IDH3A: variants seen among roughly 807,000 people sequenced by gnomAD.
The protein encoded by IDH3A is isocitrate dehydrogenase (NAD(+)) 3 catalytic subunit alpha.
IDH3A carries 23 observed loss-of-function variants against 43.3 expected under a neutral mutation model. The observed-to-expected ratio is 0.53, with a 90% CI of 0.38 to 0.75. The LOEUF is 0.75. IDH3A is among the 30% of genes least tolerant of loss of function. The probability of loss-of-function intolerance (pLI) is 0.00; values close to 1 mark genes in which losing one functional copy is unlikely to be tolerated. For synonymous variants in IDH3A, 154 were observed against 163.5 expected (o/e 0.94, Z 0.44); for missense variants, 329 against 474.4 (o/e 0.69, Z 2.85).
At chr15:78,165,267 C>T (rs2074727159) in intron 9 of IDH3A, among the ~76,000 whole-genome samples, 191 bp downstream of exon 9, 1 of 152,082 alleles carries the variant, frequency 6.6e-6, no homozygotes, top group Non-Finnish European at 1.5e-5. Flanking sequence ...TCTTGGCTCA[C>T]TGCAACCTCT....
At chr15:78,165,472 G>A (rs899791204) in intron 9 of IDH3A, among the ~76,000 whole-genome samples, 12 of 152,046 alleles carry the variant, frequency 7.9e-5, no homozygotes, top group African/African-American at 2.4e-4. Context: ...GATTACAGGT[G>A]TGAGCCATTG....
chr15:78,152,151 T>C (rs1157309978), intron 1 of IDH3A, among the ~76,000 whole-genome samples: 1 of 145,010 alleles, frequency 6.9e-6, no homozygotes, highest in African/African-American at 2.6e-5. Context: ...CTCCACCTCC[T>C]GGGTTCAAGC....
chr15:78,150,150 CT>C (rs1172203219), intron 1 of IDH3A, among the ~76,000 whole-genome samples: 3 of 152,200 alleles, frequency 2.0e-5, no homozygotes, highest in African/African-American at 7.2e-5. Context: ...ATCTGGAGCG[CT>C]TTAGCTCTCC....
At chr15:78,166,391 G>C in intron 10 of IDH3A, 89 bp downstream of exon 10, 1 of 1,336,998 alleles carries the variant, frequency 7.5e-7, no homozygotes, top group Non-Finnish European at 1.1e-6. Context: ...ACAGATAATA[G>C]TTCTCAGGCG....
chr15:78,155,901 C>T (rs1209459480), intron 2 of IDH3A, among the ~76,000 whole-genome samples: 2 of 152,170 alleles, frequency 1.3e-5, no homozygotes, highest in Non-Finnish European at 2.9e-5. Context: ...TTGTTTTGAT[C>T]CCCGCCCCGC....
In IDH3A at chr15:78,168,913, T is replaced by C; in HGVS notation, c.1018-9T>C. 6.3e-7 allele frequency: 1 copy of C among 1,575,154 alleles called. No homozygotes were observed. The highest frequency in any genetic ancestry group is 1.7e-4 in the Middle Eastern group (1 of 5,952). ...TACATCTTTTATTTTTGCTTTTTCC[T>C]TTTCTCAGAGCTTGACAAAAGATTT... On this transcript the variant is annotated splice_polypyrimidine_tract_variant and intron_variant, in intron 10 of 10. Coordinates refer to ENST00000299518, the MANE Select transcript of IDH3A (RefSeq NM_005530.3).
chr15:78,152,357 CTTT>C (rs33914139), intron 1 of IDH3A, among the ~76,000 whole-genome samples: 4 of 80,696 alleles, frequency 5.0e-5, no homozygotes, highest in Admixed American at 1.5e-4. Context: ...TGCGCCCGGC[CTTT>C]TTTTTTTTTT....
chr15:78,151,715 T>A (rs1363415165), intron 1 of IDH3A, among the ~76,000 whole-genome samples: 1 of 152,302 alleles, frequency 6.6e-6, no homozygotes, highest in East Asian at 1.9e-4. Context: ...CCAGGCTTCA[T>A]GAACCTGGCC....
chr15:78,164,202 C>T (rs2074712625), intron 8 of IDH3A, among the ~76,000 whole-genome samples: 1 of 152,054 alleles, frequency 6.6e-6, no homozygotes, highest in Non-Finnish European at 1.5e-5. Flanking sequence ...TCCACATTCT[C>T]CAGATGTCAG....
rs2074557511 is a variant in IDH3A, at chr15:78,149,711, GC to G, written c.27+283del. Among the ~76,000 whole-genome samples, 7 of 152,346 alleles carry G rather than the reference GC, an allele frequency of 4.6e-5. No individual in the cohort carries two copies. The South Asian group carries it at 1.4e-3, about 32-fold the overall frequency. The stretch of plus-strand genomic sequence containing the variant: ...GCCCTGCTCCTGCCGAGACCCGGCT[GC>G]CGTCACCCGCATCCGCCCAGGCCAG... On this transcript the variant is annotated intron_variant, in intron 1 of 10. Transcript: ENST00000299518.
chr15:78,169,000 G>A lies in IDH3A; in HGVS notation c.1096G>A (p.Asp366Asn). 6.3e-7 allele frequency: 1 copy of A among 1,589,978 alleles called. No individual in the cohort carries two copies. The highest frequency in any genetic ancestry group is 8.6e-7 in the Non-Finnish European group (1 of 1,159,642). Reference sequence around the variant, plus strand: ...AATCTGTCGCCGAGTAAAAGATTTAGATTAACACTTCTACAACTGGCATTT... The same window carrying A: ...AATCTGTCGCCGAGTAAAAGATTTAAATTAACACTTCTACAACTGGCATTT... The part of the protein sequence containing the change: ...EEICRRVKDL[D>N] Residue 366 changes from aspartate to asparagine, a missense_variant, in exon 11 of 11, where the codon GAT (aspartate) becomes AAT (asparagine). Transcript: ENST00000299518.
chr15:78,168,251 G>A (rs12912695), intron 10 of IDH3A: 50,196 of 148,730 alleles, frequency 0.34, 9,043 homozygotes, highest in Non-Finnish European at 0.41. Context: ...GTGAGACCCC[G>A]TCTCTTAAAA....
In IDH3A at chr15:78,168,159, G is replaced by A. The variant is rs538982045; in HGVS notation, c.1018-763G>A. Reference sequence around the variant, plus strand: ...GTTAATGATTTAGGCAGGTGTGGTGGTGCATGCCTGTAGTTGCAGCTATAG... The same window carrying A: ...GTTAATGATTTAGGCAGGTGTGGTGATGCATGCCTGTAGTTGCAGCTATAG... On this transcript the variant is annotated intron_variant, in intron 10 of 10. Coordinates refer to ENST00000299518, the MANE Select transcript of IDH3A (RefSeq NM_005530.3). 8.5e-5 allele frequency: 13 copies of A among 152,146 alleles called. No individual in the cohort carries two copies. The East Asian group carries it at 2.3e-3, about 27-fold the overall frequency. 9.4% of individuals were successfully genotyped at this position (152,146 alleles called of 1,614,324 possible).
At chr15:78,151,336 G>A (rs988508021) in intron 1 of IDH3A, 1 of 152,232 alleles carries the variant, frequency 6.6e-6, no homozygotes, top group Non-Finnish European at 1.5e-5. Flanking sequence ...AGCACTTTGG[G>A]AGGCCAAAGT....
chr15:78,166,303 G>T lies in IDH3A; in HGVS notation c.1017+1G>T. 6.2e-7 allele frequency: 1 copy of T among 1,614,046 alleles called. No individual in the cohort carries two copies. Among genetic ancestry groups the T allele is most frequent in the Non-Finnish European group, 8.5e-7 (1 of 1,179,902 alleles). Reference sequence around the variant, plus strand: ...TTTTGCTACAATTAAGGACGGAAAGGTAACAGGAATCTTGATTTACTTGTG... The same window carrying T: ...TTTTGCTACAATTAAGGACGGAAAGTTAACAGGAATCTTGATTTACTTGTG... On this transcript the variant is annotated splice_donor_variant, in intron 10 of 10. Transcript: ENST00000299518. LOFTEE classifies it high-confidence loss of function.
chr15:78,165,938 C>G (rs945437625), intron 9 of IDH3A, among the ~76,000 whole-genome samples: 1 of 152,140 alleles, frequency 6.6e-6, no homozygotes, highest in Non-Finnish European at 1.5e-5. Context: ...ATCTTCTTGC[C>G]TTGGCCTATC....
At chr15:78,152,298 T>C (rs533622589) in intron 1 of IDH3A, among the ~76,000 whole-genome samples, 6 of 151,126 alleles carry the variant, frequency 4.0e-5, no homozygotes, top group Non-Finnish European at 8.8e-5. Flanking sequence ...CCTCAGGTGA[T>C]CCACCGGCCT....
intron 5 of IDH3A, 123 bp from the exon 6 acceptor site, chr15:78,162,110 AT>A: frequency 1.1e-6 from 1 of 926,950 alleles, no homozygotes; most frequent in East Asian, 2.5e-5. Context: ...AGTGTGTGTG[AT>A]TAGTCATGCT....
Position 78,149,378 on chromosome 15 carries a change from TTGC to T in IDH3A, c.-22_-20del, listed in dbSNP as rs2074552369. 3 of 1,533,314 alleles carry T rather than the reference TTGC, an allele frequency of 2.0e-6. No individual in the cohort carries two copies. Among genetic ancestry groups the T allele is most frequent in the South Asian group, 1.2e-5 (1 of 83,266 alleles). 95.0% of individuals were successfully genotyped at this position (1,533,314 alleles called of 1,614,324 possible). ...CGCTTGCGCACTGCCGCTGCGGCTG[TTGC>T]TGCGGAGCCAGGAGGGGAAGCGATG... On this transcript the variant is annotated 5_prime_UTR_variant, in exon 1 of 11. Coordinates refer to ENST00000299518, the MANE Select transcript of IDH3A (RefSeq NM_005530.3).
Sources: allele counts gnomAD v4.1 joint callset (sites outside exome capture counted in the v4.1 genomes callset), GRCh38; gene constraint gnomAD v4.1.1; transcripts MANE v1.5; gene names NCBI Gene and HGNC (gene_info 2026-07-23, HGNC 2026-07-21).